Variants in CHIT1 observed in about 807,000 individuals in gnomAD.
CHIT1 encodes the protein chitinase 1.
A neutral mutation model predicts 52.0 loss-of-function variants in CHIT1; 47 were observed. That is an observed-to-expected ratio of 0.90 (90% CI 0.71 to 1.15). CHIT1 has a LOEUF of 1.15. Among genes scored for constraint, CHIT1 ranks in the 50% most tolerant of loss-of-function variants. The probability of loss-of-function intolerance (pLI) is 0.00; values close to 1 mark genes in which losing one functional copy is unlikely to be tolerated. For missense variants in CHIT1, 569 were observed against 583.0 expected (o/e 0.98, Z 0.25); for synonymous variants, 242 against 228.2 (o/e 1.06, Z -0.54).
chr1:203,226,612 A>T (rs1482806342), intron 2 of CHIT1, among the ~76,000 whole-genome samples: 1 of 152,120 alleles, frequency 6.6e-6, no homozygotes, highest in East Asian at 1.9e-4. Context: ...TGAGATTCTA[A>T]TAGAGCTAAT....
At chr1:203,217,471 T>C (rs1656574884) in intron 10 of CHIT1, 6 of 1,265,138 alleles carry the variant, frequency 4.7e-6, no homozygotes, top group Non-Finnish European at 6.6e-6. Context: ...AAGGTGCTGC[T>C]CCCAGTCTGG....
chr1:203,219,143 C>T (rs1210065065), intron 9 of CHIT1, 73 bp downstream of exon 9: 3 of 823,828 alleles, frequency 3.6e-6, no homozygotes, highest in Non-Finnish European at 2.2e-6. Context: ...AGGTCCTGAA[C>T]TGTCCTCATT....
chr1:203,226,027 G>A (rs1039062770), intron 2 of CHIT1, among the ~76,000 whole-genome samples, 157 bp from the exon 3 acceptor site: 2 of 152,224 alleles, frequency 1.3e-5, no homozygotes, highest in African/African-American at 4.8e-5. Flanking sequence ...TTGCTTTTGT[G>A]TGGATGGAGT....
chr1:203,219,560 T>A, intron 8 of CHIT1, 104 bp downstream of exon 8: 3 of 1,352,852 alleles, frequency 2.2e-6, no homozygotes, highest in Middle Eastern at 1.8e-4. Flanking sequence ...CAGAATTCTC[T>A]GCAATTGGCA....
At chr1:203,226,690 C>T (rs753256815) in intron 2 of CHIT1, among the ~76,000 whole-genome samples, 4 of 151,746 alleles carry the variant, frequency 2.6e-5, no homozygotes, top group Admixed American at 6.6e-5. Context: ...CTCTAGAGTA[C>T]CCTACAGTGT....
upstream of CHIT1, chr1:203,229,752 G>T (rs754464203): frequency 1.7e-5 from 21 of 1,256,800 alleles, no homozygotes; most frequent in Middle Eastern, 1.8e-4. Flanking sequence ...AGGGGCACTG[G>T]GTGGGGGGGA....
Position 203,217,014 on chromosome 1 carries a change from C to T in CHIT1, c.1276G>A (p.Gly426Arg). 2 of 1,614,208 alleles carry T rather than the reference C, an allele frequency of 1.2e-6. No individual in the cohort carries two copies. Among genetic ancestry groups the T allele is most frequent in the East Asian group, 2.2e-5 (1 of 44,888 alleles). Reference sequence around the variant, plus strand: ...CGTTCCCGAGGATTGGGATAGAGCCCATCAGCTTTGCCCTGGCAGAACGTG... The same window carrying T: ...CGTTCCCGAGGATTGGGATAGAGCCTATCAGCTTTGCCCTGGCAGAACGTG... ...QDTFCQGKAD[G>R]LYPNPRERSS... The change falls in exon 11 of 11, where the codon GGG (glycine) becomes AGG (arginine). Residue 426 changes from glycine to arginine, a missense_variant. Physicochemically the swap from Gly to Arg is moderately radical, Grantham distance 125. Coordinates refer to ENST00000367229, the MANE Select transcript of CHIT1 (RefSeq NM_003465.3).
chr1:203,220,228 C>T (rs898770618), intron 7 of CHIT1, among the ~76,000 whole-genome samples: 1 of 152,202 alleles, frequency 6.6e-6, no homozygotes, highest in African/African-American at 2.4e-5. Context: ...CCTTGGTGTT[C>T]TGTCTGTAAC....
rs1011248232 is a variant in CHIT1, at chr1:203,223,338, C to T, written c.481-79G>A. The T allele has an allele frequency of 3.1e-6, 5 of 1,611,418 alleles. No homozygotes were observed. In the Admixed American group the frequency reaches 6.7e-5, roughly 21 times the overall value. ...CCTGTGAGCCCCAGGTAGATGTTCA[C>T]TTGTAGAAGTCTGAGAGCTGGCCAC... On this transcript the variant is annotated intron_variant, in intron 5 of 10. Coordinates refer to ENST00000367229, the MANE Select transcript of CHIT1 (RefSeq NM_003465.3).
intron 4 of CHIT1, among the ~76,000 whole-genome samples, chr1:203,224,025 A>G (rs1430619638): frequency 6.6e-6 from 1 of 152,136 alleles, no homozygotes; most frequent in Non-Finnish European, 1.5e-5. Context: ...AAAAGGAATT[A>G]GTTTCTCTAA....
chr1:203,225,231 A>G, intron 3 of CHIT1, 127 bp from the exon 4 acceptor site: 1 of 826,404 alleles, frequency 1.2e-6, no homozygotes, highest in Non-Finnish European at 2.0e-6. Flanking sequence ...CAGAGACTGT[A>G]TTAGGCATTC....
intron 9 of CHIT1, among the ~76,000 whole-genome samples, chr1:203,218,476 C>T (rs892034739): frequency 6.6e-6 from 1 of 152,144 alleles, no homozygotes; most frequent in African/African-American, 2.4e-5. Context: ...AGCTCCCTTC[C>T]TCTACCTGCC....
At position 203,219,743 on chromosome 1, in the gene CHIT1, G is replaced by C. The variant is rs1656664623; in HGVS notation, c.836C>G (p.Thr279Ser). 1 of 1,613,992 alleles carries C rather than the reference G, an allele frequency of 6.2e-7. No individual in the cohort carries two copies. Among genetic ancestry groups the C allele is most frequent in the East Asian group, 2.2e-5 (1 of 44,878 alleles). Reference sequence around the variant, plus strand: ...CCCTGTGGCTGGGGCCCCCACTCTGGTGTCTGATGAGGAGGCCAGTGTGAA... The same window carrying C: ...CCCTGTGGCTGGGGCCCCCACTCTGCTGTCTGATGAGGAGGCCAGTGTGAA... ...RSFTLASSSD[T>S]RVGAPATGSG... The change falls in exon 8 of 11, where the codon ACC (threonine) becomes AGC (serine). Residue 279 changes from threonine (T) to serine (S), a missense_variant. By Grantham distance (58) the Thr-to-Ser change is moderately conservative (BLOSUM62 1). Transcript: ENST00000367229.
rs575051768 is a variant in CHIT1, at chr1:203,222,166, A to G, written c.729+36T>C. On this transcript the variant is annotated intron_variant, in intron 7 of 10. Coordinates refer to ENST00000367229, the MANE Select transcript of CHIT1 (RefSeq NM_003465.3). The stretch of plus-strand genomic sequence containing the variant: ...AGCCACCAAACAGGGCCTGCTGGAC[A>G]GGGGAGTCCTGCCTCAGCCCTCCTG... 213 of 1,612,830 alleles carry G rather than the reference A, an allele frequency of 1.3e-4. 4 individuals carry two copies. In the South Asian group the frequency reaches 2.2e-3, roughly 17 times the overall value.
At chr1:203,217,353 G>A (rs1656570974) in intron 10 of CHIT1, 1 of 1,512,758 alleles carries the variant, frequency 6.6e-7, no homozygotes. Flanking sequence ...CATGTGACAG[G>A]CAGTTAAGGC....
chr1:203,225,236 G>A (rs1208284430), intron 3 of CHIT1, 132 bp from the exon 4 acceptor site: 1 of 789,502 alleles, frequency 1.3e-6, no homozygotes, highest in Non-Finnish European at 2.2e-6. Flanking sequence ...ACTGTATTAG[G>A]CATTCTGGGG....
At chr1:203,226,748 C>T (rs902537532) in intron 2 of CHIT1, among the ~76,000 whole-genome samples, 2 of 149,266 alleles carry the variant, frequency 1.3e-5, no homozygotes, top group Non-Finnish European at 3.0e-5. Context: ...AGTGAGGGCT[C>T]GGTGGTGATG....
At chr1:203,224,081 G>A (rs531165583) in intron 4 of CHIT1, among the ~76,000 whole-genome samples, 66 of 152,162 alleles carry the variant, frequency 4.3e-4, no homozygotes, top group Non-Finnish European at 8.8e-4. Context: ...TCTCTAATTA[G>A]AATTTCTCTA....
At position 203,224,718 on chromosome 1, in the gene CHIT1, A is replaced by C. The variant is rs183647090; in HGVS notation, c.314+330T>G. Reference sequence around the variant, plus strand: ...TGAGCTCAGAAAACATAGACACTGCATGTTGTCAGGATTAGTTGGGACCCT... The same window carrying C: ...TGAGCTCAGAAAACATAGACACTGCCTGTTGTCAGGATTAGTTGGGACCCT... On this transcript the variant is annotated intron_variant, in intron 4 of 10. Coordinates refer to ENST00000367229, the MANE Select transcript of CHIT1 (RefSeq NM_003465.3). 6.6e-5 allele frequency among the ~76,000 whole-genome samples: 10 copies of C among 152,282 alleles called. No individual in the cohort carries two copies. The East Asian group carries it at 1.7e-3, about 26-fold the overall frequency.
Sources: allele counts gnomAD v4.1 joint callset (sites outside exome capture counted in the v4.1 genomes callset), GRCh38; gene constraint gnomAD v4.1.1; transcripts MANE v1.5; gene names NCBI Gene and HGNC (gene_info 2026-07-23, HGNC 2026-07-21).